Variants in ZC2HC1C observed in about 807,000 individuals in gnomAD.
ZC2HC1C encodes zinc finger C2HC-type containing 1C, also known as zinc finger C2HC domain-containing protein 1C.
A neutral mutation model predicts 39.2 loss-of-function variants in ZC2HC1C; 25 were observed. The ratio of observed to expected loss-of-function variants is 0.64; its 90% CI spans 0.47 to 0.89. ZC2HC1C has a LOEUF of 0.89. Among genes scored for constraint, ZC2HC1C ranks in the 40% least tolerant of loss-of-function variants. The probability of loss-of-function intolerance (pLI) is 0.00; values close to 1 mark genes in which losing one functional copy is unlikely to be tolerated. For missense variants in ZC2HC1C, 519 were observed against 548.6 expected (o/e 0.95, Z 0.54); for synonymous variants, 209 against 214.4 (o/e 0.97, Z 0.22).
At chr14:75,072,178 C>T (rs564666497) in intron 2 of ZC2HC1C, among the ~76,000 whole-genome samples, 16 of 152,244 alleles carry the variant, frequency 1.1e-4, no homozygotes, top group Middle Eastern at 3.4e-3. Flanking sequence ...CTTTAAGTGG[C>T]AGAGTCGGCA....
Position 75,077,906 on chromosome 14 carries a change from C to G in ZC2HC1C, c.*342C>G, listed in dbSNP as rs1893754499. ...GAAAGAAATCAAACAGCTCCCAGAT[C>G]TGCCTGCAGAGCTAAAATCTGTGAG... is the stretch of plus-strand genomic sequence containing the variant. On this transcript the variant is annotated 3_prime_UTR_variant, in exon 3 of 3. Transcript: ENST00000524913. The G allele has an allele frequency of 3.7e-6, 1 of 267,372 alleles. No homozygotes were observed. Among genetic ancestry groups the G allele is most frequent in the Admixed American group, 5.0e-5 (1 of 20,196 alleles). The allele number at this position is 267,372 out of a possible 1,614,324, so 16.6% of individuals were successfully genotyped here.
rs1893375246 is a variant in ZC2HC1C, at chr14:75,071,145, C to T, written c.572C>T (p.Thr191Ile). 4 of 1,614,176 alleles carry T rather than the reference C, an allele frequency of 2.5e-6. No individual in the cohort carries two copies. Among genetic ancestry groups the T allele is most frequent in the Middle Eastern group, 3.3e-4 (2 of 6,062 alleles). ...CAGGGCAACTTTTCTGTGGTTGGTA[C>T]TGTTCTTGCTGCCACGCAGGCGGAG... ...RNQGNFSVVG[T>I]VLAATQAEKA... Residue 191 changes from threonine to isoleucine, a missense_variant, in exon 2 of 3, where the codon ACT (threonine) becomes ATT (isoleucine). By Grantham distance (89) the Thr-to-Ile change is moderately conservative. Coordinates refer to ENST00000524913, the MANE Select transcript of ZC2HC1C (RefSeq NM_024643.4).
At position 75,073,687 on chromosome 14, in the gene ZC2HC1C, C is replaced by G. The variant is rs941656738; in HGVS notation, c.1338+1776C>G. On this transcript the variant is annotated intron_variant, in intron 2 of 2. Coordinates refer to ENST00000524913, the MANE Select transcript of ZC2HC1C (RefSeq NM_024643.4). ...TCACGTAACTCCCAGCAGACGTACA[C>G]CCTGTCTCTCTCCTGGACTGTAAGC... 36 of 1,176,206 alleles carry G rather than the reference C, an allele frequency of 3.1e-5. No individual in the cohort carries two copies. The African/African-American group carries it at 5.0e-4, about 16-fold the overall frequency. 72.9% of individuals were successfully genotyped at this position (1,176,206 alleles called of 1,614,324 possible).
At chr14:75,072,071 G>A (rs1276017322) in intron 2 of ZC2HC1C, among the ~76,000 whole-genome samples, 160 bp downstream of exon 2, 2 of 152,196 alleles carry the variant, frequency 1.3e-5, no homozygotes, top group South Asian at 2.1e-4. Context: ...GCATTGTGAC[G>A]GGAGCTTTTC....
chr14:75,074,665 G>A (rs1460970790), intron 2 of ZC2HC1C, among the ~76,000 whole-genome samples: 1 of 151,882 alleles, frequency 6.6e-6, no homozygotes, highest in Non-Finnish European at 1.5e-5. Flanking sequence ...TTCACCTCCC[G>A]TGTTCAAGCA....
rs543434642 is a variant in ZC2HC1C at position 75,071,061 on chromosome 14, T to C, written c.488T>C (p.Val163Ala). ...GEAGTDGDHNVYPRPPEPREF... is the reference protein window; with the variant it reads ...GEAGTDGDHNAYPRPPEPREF... ...GCTGGCACTGATGGGGACCATAATG[T>C]CTACCCAAGGCCCCCTGAGCCGAGA... Residue 163 changes from valine (V) to alanine (A), a missense_variant, in exon 2 of 3, where the codon GTC (valine) becomes GCC (alanine). Coordinates refer to ENST00000524913, the MANE Select transcript of ZC2HC1C (RefSeq NM_024643.4). The C allele has an allele frequency of 5.5e-5, 89 of 1,614,168 alleles. No individual in the cohort carries two copies. The South Asian group carries it at 9.0e-4, about 16-fold the overall frequency.
chr14:75,076,584 TTA>T (rs1409543489), intron 2 of ZC2HC1C, among the ~76,000 whole-genome samples: 1 of 152,228 alleles, frequency 6.6e-6, no homozygotes, highest in Non-Finnish European at 1.5e-5. Context: ...TAAATAATTT[TTA>T]TTTTTAGCTA....
chr14:75,077,712 G>T lies in ZC2HC1C; in HGVS notation c.*148G>T. On this transcript the variant is annotated 3_prime_UTR_variant, in exon 3 of 3. Transcript: ENST00000524913. ...GTGTCCTCAGTGTAGCCACCACTTT[G>T]CTCCCAAGGTGGCTGAGCAACACAT... 1 of 915,196 alleles carries T rather than the reference G, an allele frequency of 1.1e-6. No homozygotes were observed. The highest frequency in any genetic ancestry group is 2.2e-5 in the Admixed American group (1 of 44,524). 56.7% of individuals were successfully genotyped at this position (915,196 alleles called of 1,614,324 possible). A position where few individuals can be genotyped will look rare whatever the true frequency, so the allele number is the denominator to read the frequency against.
At position 75,071,486 on chromosome 14, in the gene ZC2HC1C, A is replaced by G; in HGVS notation, c.913A>G (p.Thr305Ala). ...EFSRDRREDE[T>A]WGRSQQNSGP... ...TAGTAGAGACAGGAGAGAGGATGAA[A>G]CTTGGGGACGGTCTCAACAAAATTC... Residue 305 changes from threonine (T) to alanine (A), a missense_variant, in exon 2 of 3, where the codon ACT (threonine) becomes GCT (alanine). Coordinates refer to ENST00000524913, the MANE Select transcript of ZC2HC1C (RefSeq NM_024643.4). 6.2e-7 allele frequency: 1 copy of G among 1,614,152 alleles called. No individual in the cohort carries two copies. The highest frequency in any genetic ancestry group is 1.1e-5 in the South Asian group (1 of 91,080).
Position 75,070,629 on chromosome 14 carries a change from A to G in ZC2HC1C, c.56A>G (p.His19Arg), listed in dbSNP as rs780135750. The G allele has an allele frequency of 5.6e-6, 9 of 1,614,214 alleles. No homozygotes were observed. Among genetic ancestry groups the G allele is most frequent in the Non-Finnish European group, 7.6e-6 (9 of 1,180,022 alleles). The change falls in exon 2 of 3, where the codon CAT becomes CGT. Residue 19 changes from histidine to arginine, a missense_variant. By Grantham distance (29) the His-to-Arg change is conservative. Coordinates refer to ENST00000524913, the MANE Select transcript of ZC2HC1C (RefSeq NM_024643.4). Reference protein sequence around the residue: ...SHLPVGVMLPHNTTEAPGPHS... With the variant: ...SHLPVGVMLPRNTTEAPGPHS... ...CTGCCTGTGGGCGTTATGCTCCCAC[A>G]TAATACAACGGAAGCTCCAGGGCCC...
rs941978856 is a variant in ZC2HC1C at position 75,071,894 on chromosome 14, G to T, written c.1321G>T (p.Gly441Trp). The T allele has an allele frequency of 1.3e-6, 2 of 1,596,008 alleles. No individual in the cohort carries two copies. The highest frequency in any genetic ancestry group is 1.7e-6 in the Non-Finnish European group (2 of 1,171,802). Reference protein sequence around the residue: ...TELEQYLNWKGPASAKAEPPQ... With the variant: ...TELEQYLNWKWPASAKAEPPQ... ...ACTAGAGCAGTACTTGAACTGGAAG[G>T]GGCCAGCTTCAGCCAAGGTAACAAG... is the stretch of plus-strand genomic sequence containing the variant. The change falls in exon 2 of 3, where the codon GGG becomes TGG. Residue 441 changes from glycine to tryptophan, a missense_variant. Transcript: ENST00000524913.
At position 75,074,585 on chromosome 14, in the gene ZC2HC1C, G is replaced by GT. The variant is rs560982682; in HGVS notation, c.1338+2682dup. Among the ~76,000 whole-genome samples the GT allele has an allele frequency of 2.4e-3, 366 of 149,576 alleles. 1 individual carries two copies. The highest frequency in any genetic ancestry group is 2.6e-3 in the Non-Finnish European group (174 of 67,236). On this transcript the variant is annotated intron_variant, in intron 2 of 2. Transcript: ENST00000524913. ...TACCTGTTTTTTTTTGTTTTGTTTT[G>GT]TTTTTTTTGAGACGGAGTCTCTGTC...
rs1489327309 is a variant in ZC2HC1C, at chr14:75,077,892, AAC to A, written c.*330_*331del. 6.9e-6 allele frequency: 2 copies of A among 289,224 alleles called. No individual in the cohort carries two copies. Among genetic ancestry groups the A allele is most frequent in the Non-Finnish European group, 1.3e-5 (2 of 151,966 alleles). 17.9% of individuals were successfully genotyped at this position (289,224 alleles called of 1,614,324 possible). A position where few individuals can be genotyped will look rare whatever the true frequency, so the allele number is the denominator to read the frequency against. ...TTTGATGCAAAGCAGAAAGAAATCA[AAC>A]AGCTCCCAGATCTGCCTGCAGAGCT... On this transcript the variant is annotated 3_prime_UTR_variant, in exon 3 of 3. Transcript: ENST00000524913.
intron 2 of ZC2HC1C, among the ~76,000 whole-genome samples, chr14:75,075,962 T>C (rs1893647102): frequency 6.6e-6 from 1 of 152,028 alleles, no homozygotes; most frequent in Non-Finnish European, 1.5e-5. Context: ...GAGGCTGAGA[T>C]AGGAGAATCG....
chr14:75,070,934 A>G lies in ZC2HC1C; in HGVS notation c.361A>G (p.Asn121Asp), dbSNP rs377484287. ...SGPQSWYPKA[N>D]NQDFIPFTKK... is the part of the protein sequence containing the mutation. ...CCCTCAATCCTGGTATCCCAAAGCC[A>G]ATAACCAGGACTTTATCCCCTTTAC... The change falls in exon 2 of 3, where the codon AAT (asparagine) becomes GAT (aspartate). Residue 121 changes from asparagine (N) to aspartate (D), a missense_variant. By Grantham distance (23) the Asn-to-Asp change is conservative. Transcript: ENST00000524913. 2.5e-6 allele frequency: 4 copies of G among 1,614,206 alleles called. No homozygotes were observed. Among genetic ancestry groups the G allele is most frequent in the Non-Finnish European group, 3.4e-6 (4 of 1,180,040 alleles).
chr14:75,078,579 A>C lies in ZC2HC1C; in HGVS notation c.*1015A>C, dbSNP rs1358933081. The stretch of plus-strand genomic sequence containing the variant: ...TCGGTTTGGCTAAATGACTGTTTAG[A>C]GGCAGCAAAATCTACCATCAAAGCA... On this transcript the variant is annotated 3_prime_UTR_variant, in exon 3 of 3. Transcript: ENST00000524913. 1 of 152,224 alleles carries C rather than the reference A, an allele frequency of 6.6e-6. No individual in the cohort carries two copies. The highest frequency in any genetic ancestry group is 2.4e-5 in the African/African-American group (1 of 41,452). The allele number at this position is 152,224 out of a possible 1,614,324, so 9.4% of individuals were successfully genotyped here.
chr14:75,072,059 C>A, intron 2 of ZC2HC1C, 148 bp downstream of exon 2: 1 of 1,176,882 alleles, frequency 8.5e-7, no homozygotes, highest in Non-Finnish European at 1.1e-6. Flanking sequence ...TACTGTATGC[C>A]AGCATTGTGA....
Position 75,071,256 on chromosome 14 carries a change from G to A in ZC2HC1C, c.683G>A (p.Arg228Gln), listed in dbSNP as rs184717760. Residue 228 changes from arginine to glutamine, a missense_variant, in exon 2 of 3, where the codon CGA becomes CAA. By Grantham distance (43) the Arg-to-Gln change is conservative. Transcript: ENST00000524913. ...GGGGAGAGCTTAGAGGAGGAAATCC[G>A]AAGAAAGCAGATTCTCCTGAGGGGA... ...AAGESLEEEI[R>Q]RKQILLRGKL... 13 of 1,614,038 alleles carry A rather than the reference G, an allele frequency of 8.1e-6. No homozygotes were observed. Among genetic ancestry groups the A allele is most frequent in the Admixed American group, 3.3e-5 (2 of 59,996 alleles).
Position 75,071,525 on chromosome 14 carries a change from TTC to T in ZC2HC1C, c.956_957del (p.Ser319Ter). On this transcript the variant is annotated frameshift_variant, in exon 2 of 3. Transcript: ENST00000524913. LOFTEE classifies it high-confidence loss of function. ...RSQQNSGPFQFSDYRIQRLKR... is the reference protein window; with the variant it reads ...RSQQNSGPFQXSDYRIQRLKR... ...TCAACAAAATTCAGGTCCATTCCAG[TTC>T]TCTGATTATAGAATCCAGAGGCTCA... 2 of 1,614,090 alleles carry T rather than the reference TTC, an allele frequency of 1.2e-6. No homozygotes were observed. Among genetic ancestry groups the T allele is most frequent in the Non-Finnish European group, 1.7e-6 (2 of 1,180,010 alleles).
Sources: allele counts gnomAD v4.1 joint callset (sites outside exome capture counted in the v4.1 genomes callset), GRCh38; gene constraint gnomAD v4.1.1; transcripts MANE v1.5; gene names NCBI Gene and HGNC (gene_info 2026-07-23, HGNC 2026-07-21).